TANC1: variants seen among roughly 807,000 people sequenced by gnomAD.
The protein encoded by TANC1 is protein TANC1.
Under a neutral mutation model 149.7 loss-of-function variants are expected in TANC1, and 77 were observed. That is an observed-to-expected ratio of 0.51 (90% CI 0.43 to 0.62). TANC1 has a LOEUF of 0.62. TANC1 is among the 20% of genes least tolerant of loss of function. The pLI is 0.00. For synonymous variants in TANC1, 854 were observed against 925.0 expected (o/e 0.92, Z 1.39); for missense variants, 1,985 against 2,321.8 (o/e 0.85, Z 2.98).
intron 2 of TANC1, among the ~76,000 whole-genome samples, chr2:159,006,120 AC>A (rs2037143375): frequency 6.6e-6 from 1 of 151,654 alleles, no homozygotes; most frequent in South Asian, 2.1e-4. Flanking sequence ...ACATGGTAAA[AC>A]CCCCGTCTCT....
At chr2:159,178,209 G>T (rs903724491) in intron 13 of TANC1, among the ~76,000 whole-genome samples, 1 of 152,212 alleles carries the variant, frequency 6.6e-6, no homozygotes, top group South Asian at 2.1e-4. Flanking sequence ...GTTTCACAGT[G>T]TAAGGATTAT....
intron 19 of TANC1, among the ~76,000 whole-genome samples, chr2:159,209,793 G>T (rs2058861974): frequency 6.6e-6 from 1 of 152,184 alleles, no homozygotes; most frequent in Non-Finnish European, 1.5e-5. Flanking sequence ...GTTGAGCAGG[G>T]TGTGGCCATC....
chr2:159,106,231 G>T (rs1052584908), intron 4 of TANC1, among the ~76,000 whole-genome samples: 2 of 151,638 alleles, frequency 1.3e-5, no homozygotes, highest in African/African-American at 4.8e-5. Flanking sequence ...CTTAATTTTA[G>T]AACATTGTTA....
At position 158,981,491 on chromosome 2, in the gene TANC1, TTATATATATATATATATATATA is replaced by T. The variant is rs10602195; in HGVS notation, c.-126+12740_-126+12761del. 1.0e-3 allele frequency among the ~76,000 whole-genome samples: 36 copies of T among 34,356 alleles called. 1 individual carries two copies. Among genetic ancestry groups the T allele is most frequent in the East Asian group, 3.5e-3 (2 of 564 alleles). 22.5% of individuals were successfully genotyped at this position (34,356 alleles called of 152,430 possible). On this transcript the variant is annotated intron_variant, in intron 1 of 26. Transcript: ENST00000263635. ...AAGTTTAGCAATTAATATATAGCTT[TTATATATATATATATATATATA>T]TATATATATATATATATATATATAT...
rs554287083 is a variant in TANC1 at position 159,046,240 on chromosome 2, C to T, written c.-15-19656C>T. Among the ~76,000 whole-genome samples, 7 of 152,242 alleles carry T rather than the reference C, an allele frequency of 4.6e-5. No individual in the cohort carries two copies. In the South Asian group the frequency reaches 1.2e-3, roughly 27 times the overall value. ...TAAATGGTTTTGTGGTTTTAGACTG[C>T]GTCTCTCTTTTGCAAATTCCTTTTC... is the stretch of plus-strand genomic sequence containing the variant. On this transcript the variant is annotated intron_variant, in intron 2 of 26. Transcript: ENST00000263635.
chr2:159,170,936 T>A, intron 10 of TANC1, 131 bp downstream of exon 10: 1 of 999,460 alleles, frequency 1.0e-6, no homozygotes. Context: ...TGCCATCATG[T>A]GTGAAGTGAA....
At chr2:158,980,061 C>G (rs1046294544) in intron 1 of TANC1, among the ~76,000 whole-genome samples, 1 of 152,172 alleles carries the variant, frequency 6.6e-6, no homozygotes, top group Admixed American at 6.5e-5. Flanking sequence ...TCCCAAAATG[C>G]ATTCTGGGGG....
intron 3 of TANC1, among the ~76,000 whole-genome samples, chr2:159,091,634 C>CA (rs765790161): frequency 5.3e-5 from 8 of 152,268 alleles, no homozygotes; most frequent in Non-Finnish European, 8.8e-5. Flanking sequence ...ACCATGCGGA[C>CA]AGTATTTACT....
intron 1 of TANC1, among the ~76,000 whole-genome samples, chr2:158,981,089 A>G (rs1483304050): frequency 6.6e-6 from 1 of 152,124 alleles, no homozygotes; most frequent in Non-Finnish European, 1.5e-5. Context: ...TTTGGCAAAA[A>G]TAGGTCCTAG....
At chr2:159,121,790 C>T (rs942449454) in intron 4 of TANC1, among the ~76,000 whole-genome samples, 3 of 152,200 alleles carry the variant, frequency 2.0e-5, no homozygotes, top group African/African-American at 4.8e-5. Flanking sequence ...CTGCAATTTA[C>T]AGACCTGTAA....
chr2:159,000,728 C>T (rs567755434), intron 1 of TANC1, among the ~76,000 whole-genome samples: 20 of 151,748 alleles, frequency 1.3e-4, no homozygotes, highest in African/African-American at 3.6e-4. Context: ...AGGGGGTGTG[C>T]GAGCCGGAAG....
intron 1 of TANC1, among the ~76,000 whole-genome samples, chr2:158,978,119 G>A (rs2149201557): frequency 6.6e-6 from 1 of 152,200 alleles, no homozygotes; most frequent in Middle Eastern, 3.4e-3. Flanking sequence ...TGGGTTGTAG[G>A]CTTTTTGATG....
chr2:159,130,023 A>AGCAGGATACCAGTACCGGGGGCGGCG (rs1280557109), intron 4 of TANC1, among the ~76,000 whole-genome samples: 6 of 152,142 alleles, frequency 3.9e-5, no homozygotes, highest in Non-Finnish European at 8.8e-5. Flanking sequence ...AAGCGGCGGC[A>AGCAGGATACCAGTACCGGGGGCGGCG]GCAGGATACC....
At chr2:159,131,794 A>G (rs1356453968) in intron 4 of TANC1, among the ~76,000 whole-genome samples, 2 of 152,238 alleles carry the variant, frequency 1.3e-5, no homozygotes, top group African/African-American at 4.8e-5. Flanking sequence ...TTATAAATTT[A>G]TCTTGTTTTA....
intron 4 of TANC1, among the ~76,000 whole-genome samples, chr2:159,123,357 G>A (rs1265485942): frequency 2.0e-5 from 3 of 152,152 alleles, no homozygotes; most frequent in Non-Finnish European, 4.4e-5. Flanking sequence ...TGGAAAGAGA[G>A]AGTGCTATTG....
At chr2:159,229,037 C>G (rs575909610) in intron 26 of TANC1, 141 bp downstream of exon 26, 2 of 639,204 alleles carry the variant, frequency 3.1e-6, no homozygotes, top group Non-Finnish European at 5.5e-6. Context: ...GTATTACTAC[C>G]TGCTTCCAAG....
chr2:159,025,611 C>T (rs2039274487), intron 2 of TANC1, among the ~76,000 whole-genome samples: 1 of 152,142 alleles, frequency 6.6e-6, no homozygotes, highest in Non-Finnish European at 1.5e-5. Context: ...TTCCTGTTAA[C>T]ACAGGTTTCA....
At chr2:158,992,669 ATTTT>A (rs70994251) in intron 1 of TANC1, among the ~76,000 whole-genome samples, 1 of 112,504 alleles carries the variant, frequency 8.9e-6, no homozygotes, top group African/African-American at 3.5e-5. Flanking sequence ...TGCCCAGCTA[ATTTT>A]TTTTTTTTTT....
At chr2:159,181,264 T>A (rs1017793650) in intron 14 of TANC1, among the ~76,000 whole-genome samples, 5 of 152,068 alleles carry the variant, frequency 3.3e-5, no homozygotes, top group African/African-American at 1.2e-4. Context: ...GGAGGCAAAT[T>A]ATTATGTACT....
Sources: gnomAD v4.1 joint callset for allele counts (sites outside exome capture counted in the v4.1 genomes callset) on GRCh38, gnomAD v4.1.1 for gene constraint, MANE v1.5 for transcripts, NCBI Gene and HGNC (gene_info 2026-07-23, HGNC 2026-07-21) for gene names.